ERBB4: variants seen among roughly 807,000 people sequenced by gnomAD.
ERBB4 encodes erb-b2 receptor tyrosine kinase 4.
Under a neutral mutation model 158.0 loss-of-function variants are expected in ERBB4, and 42 were observed. The observed-to-expected ratio is 0.27, with a 90% CI of 0.21 to 0.34. The LOEUF (loss-of-function observed/expected upper bound fraction) is 0.34, where lower values mean the gene tolerates loss of function less well. ERBB4 is among the 10% of genes least tolerant of loss of function. ERBB4 has a pLI of 1.00. For missense variants in ERBB4, 1,333 were observed against 1,624.1 expected, an observed-to-expected ratio of 0.82 and a Z score of 3.08; for synonymous variants, 583 against 558.7, an observed-to-expected ratio of 1.04 and a Z score of -0.61.
intron 17 of ERBB4, 145 bp downstream of exon 17, chr2:211,630,317 G>T (rs2070056670): frequency 2.2e-6 from 2 of 927,786 alleles, no homozygotes; most frequent in Non-Finnish European, 3.3e-6. Context: ...TTTTTCACAA[G>T]CTTTGTTTAA....
intron 1 of ERBB4, among the ~76,000 whole-genome samples, chr2:212,281,695 A>T (rs1347497550): frequency 6.6e-6 from 1 of 151,842 alleles, no homozygotes; most frequent in African/African-American, 2.4e-5. Flanking sequence ...TCTATGGCAC[A>T]TTATGTGGTT....
intron 4 of ERBB4, among the ~76,000 whole-genome samples, chr2:211,785,336 C>T (rs1009749475): frequency 6.6e-6 from 1 of 152,124 alleles, no homozygotes; most frequent in Non-Finnish European, 1.5e-5. Context: ...CTCCTGATCG[C>T]GTGATCCGCC....
chr2:211,458,584 T>C (rs1411161364), intron 20 of ERBB4, among the ~76,000 whole-genome samples: 1 of 152,166 alleles, frequency 6.6e-6, no homozygotes, highest in Admixed American at 6.5e-5. Context: ...TAAACTCTTA[T>C]ACCTTTCTCC....
intron 3 of ERBB4, among the ~76,000 whole-genome samples, chr2:211,821,980 G>A (rs1406353708): frequency 5.9e-5 from 9 of 151,790 alleles, no homozygotes. Context: ...AATAACACAG[G>A]CAACAACATA....
intron 4 of ERBB4, among the ~76,000 whole-genome samples, chr2:211,784,100 A>T (rs2076100307): frequency 6.6e-6 from 1 of 152,136 alleles, no homozygotes; most frequent in African/African-American, 2.4e-5. Flanking sequence ...TCATAATTAC[A>T]GTTAAAAAAA....
At chr2:212,069,638 T>A (rs969616979) in intron 2 of ERBB4, among the ~76,000 whole-genome samples, 7 of 152,062 alleles carry the variant, frequency 4.6e-5, no homozygotes, top group African/African-American at 1.2e-4. Context: ...AGTTTCTCTA[T>A]CTGTAGATGA....
At chr2:211,407,213 C>G (rs150328597) in intron 25 of ERBB4, among the ~76,000 whole-genome samples, 12 of 152,106 alleles carry the variant, frequency 7.9e-5, no homozygotes, top group Non-Finnish European at 1.5e-4. Flanking sequence ...ATTATTTACT[C>G]TTTGAGGAAT....
intron 15 of ERBB4, among the ~76,000 whole-genome samples, chr2:211,660,944 A>G (rs571018837): frequency 3.3e-5 from 5 of 152,326 alleles, no homozygotes; most frequent in Non-Finnish European, 7.4e-5. Context: ...GTCTGGTAAA[A>G]TAACTCTTAA....
At chr2:212,185,263 C>T (rs1011757354) in intron 1 of ERBB4, among the ~76,000 whole-genome samples, 1 of 151,778 alleles carries the variant, frequency 6.6e-6, no homozygotes, top group African/African-American at 2.4e-5. Context: ...CTCAATTGAT[C>T]TGCTGGAATT....
intron 1 of ERBB4, among the ~76,000 whole-genome samples, chr2:212,348,980 C>CTGTG (rs376575602): frequency 6.6e-6 from 1 of 152,084 alleles, no homozygotes; most frequent in South Asian, 2.1e-4. Flanking sequence ...GAAAGCCAGT[C>CTGTG]TGTGTGTGGT....
rs1553630145 is a variant in ERBB4, at chr2:211,772,955, A to ATATATATATAT, written c.556+15069_556+15070insATATATATATA. On this transcript the variant is annotated intron_variant, in intron 4 of 27. Coordinates refer to ENST00000342788, the MANE Select transcript of ERBB4 (RefSeq NM_005235.3). ...TATATATATATATATATATATATAT[A>ATATATATATAT]TTTTTTTTTTTAAAGATGGGGTCCT... is the stretch of plus-strand genomic sequence containing the variant. 6.1e-3 allele frequency among the ~76,000 whole-genome samples: 506 copies of ATATATATATAT among 83,274 alleles called. 34 individuals are homozygous for ATATATATATAT. Among genetic ancestry groups the ATATATATATAT allele is most frequent in the African/African-American group, 0.025 (462 of 18,308 alleles). The allele number at this position is 83,274 out of a possible 152,430, so 54.6% of individuals were successfully genotyped here.
At chr2:211,959,126 C>T (rs2081106599) in intron 2 of ERBB4, among the ~76,000 whole-genome samples, 2 of 152,056 alleles carry the variant, frequency 1.3e-5, no homozygotes, top group African/African-American at 4.8e-5. Flanking sequence ...TCCATCCATC[C>T]ACCCACCCAT....
chr2:212,155,442 A>T (rs569000206), intron 1 of ERBB4, among the ~76,000 whole-genome samples: 33 of 152,254 alleles, frequency 2.2e-4, no homozygotes, highest in African/African-American at 7.7e-4. Flanking sequence ...AACAAGATTT[A>T]TGAGAATCAC....
intron 19 of ERBB4, among the ~76,000 whole-genome samples, chr2:211,576,003 G>A (rs1000078539): frequency 6.6e-6 from 1 of 152,022 alleles, no homozygotes; most frequent in Admixed American, 6.6e-5. Context: ...ATTAATGCTG[G>A]TGTTATTTTA....
At chr2:211,894,077 C>T (rs1319377472) in intron 3 of ERBB4, among the ~76,000 whole-genome samples, 1 of 128,914 alleles carries the variant, frequency 7.8e-6, no homozygotes, top group East Asian at 2.3e-4. Flanking sequence ...ACCCAAAGGA[C>T]TATAAATCAT....
At chr2:212,184,851 A>AT (rs908339377) in intron 1 of ERBB4, among the ~76,000 whole-genome samples, 1 of 151,750 alleles carries the variant, frequency 6.6e-6, no homozygotes, top group Non-Finnish European at 1.5e-5. Flanking sequence ...GAAAATAAGT[A>AT]TTTTTTTTCT....
At chr2:212,348,578 T>C (rs2089118828) in intron 1 of ERBB4, among the ~76,000 whole-genome samples, 2 of 152,116 alleles carry the variant, frequency 1.3e-5, no homozygotes, top group African/African-American at 4.8e-5. Context: ...TGTTATAGAA[T>C]GTGAAAAAAT....
intron 4 of ERBB4, among the ~76,000 whole-genome samples, chr2:211,764,298 C>T (rs750887522): frequency 5.3e-5 from 8 of 152,164 alleles, no homozygotes; most frequent in African/African-American, 9.7e-5. Context: ...ACTGCATAGA[C>T]ATCTCTTGCA....
At chr2:211,998,494 T>A (rs2076023524) in intron 2 of ERBB4, among the ~76,000 whole-genome samples, 1 of 139,962 alleles carries the variant, frequency 7.1e-6, no homozygotes, top group African/African-American at 2.7e-5. Context: ...TATATCTGAC[T>A]CCAAATGTTA....
Sources: gnomAD v4.1 joint callset for allele counts (sites outside exome capture counted in the v4.1 genomes callset) on GRCh38, gnomAD v4.1.1 for gene constraint, MANE v1.5 for transcripts, NCBI Gene and HGNC (gene_info 2026-07-23, HGNC 2026-07-21) for gene names.